The following HDAC9 variants were observed in gnomAD, a reference collection of about 807,000 sequenced individuals.
The protein encoded by HDAC9 is histone deacetylase 9.
HDAC9 carries 41 observed loss-of-function variants against 139.4 expected under a neutral mutation model. That is an observed-to-expected ratio of 0.29 (90% CI 0.23 to 0.38). HDAC9 has a LOEUF of 0.38. HDAC9 is among the 10% of genes least tolerant of loss of function. The pLI, the probability that HDAC9 is intolerant of heterozygous loss-of-function variation, is 1.00. For synonymous variants in HDAC9, 517 were observed against 476.2 expected, an observed-to-expected ratio of 1.09 and a Z score of -1.12; for missense variants, 1,147 against 1,297.0, an observed-to-expected ratio of 0.88 and a Z score of 1.78.
rs138127617 is a variant in HDAC9 at position 18,479,350 on chromosome 7, T to C, written c.-41-16912T>C. Reference sequence around the variant, plus strand: ...CAAAAAATAAGAGTTTAACATAGAGTAGCAATTATCTTAGCACCAGTTATT... The same window carrying C: ...CAAAAAATAAGAGTTTAACATAGAGCAGCAATTATCTTAGCACCAGTTATT... On this transcript the variant is annotated intron_variant, in intron 1 of 3. Coordinates refer to the HDAC9 transcript ENST00000413509. 3.2e-3 allele frequency among the ~76,000 whole-genome samples: 494 copies of C among 152,216 alleles called. 6 individuals carry two copies. Among genetic ancestry groups the C allele is most frequent in the African/African-American group, 0.011 (461 of 41,546 alleles).
At chr7:18,298,645 A>G (rs936903584) in intron 1 of HDAC9, among the ~76,000 whole-genome samples, 3 of 152,214 alleles carry the variant, frequency 2.0e-5, no homozygotes, top group African/African-American at 7.2e-5. Context: ...AATTTTCAAA[A>G]GTTTTTACTT....
chr7:18,376,182 A>T (rs914250009), intron 1 of HDAC9, among the ~76,000 whole-genome samples: 1 of 152,152 alleles, frequency 6.6e-6, no homozygotes, highest in African/African-American at 2.4e-5. Flanking sequence ...AAAGGCAATG[A>T]TTAGAGCATG....
intron 1 of HDAC9, among the ~76,000 whole-genome samples, chr7:18,142,254 C>T (rs1481973351): frequency 6.6e-6 from 1 of 152,058 alleles, no homozygotes; most frequent in Non-Finnish European, 1.5e-5. Context: ...TAATTTGGCC[C>T]AAATAAGTAA....
chr7:18,153,969 G>A (rs1394178744), intron 1 of HDAC9, among the ~76,000 whole-genome samples: 1 of 152,202 alleles, frequency 6.6e-6, no homozygotes, highest in Non-Finnish European at 1.5e-5. Context: ...AGGTAGAACA[G>A]TGAGTAAAAC....
At chr7:18,968,685 C>A (rs1483844226) in intron 24 of HDAC9, among the ~76,000 whole-genome samples, 1 of 152,068 alleles carries the variant, frequency 6.6e-6, no homozygotes, top group Non-Finnish European at 1.5e-5. Flanking sequence ...TATCCCTGGA[C>A]GCAGTGGCTC....
intron 22 of HDAC9, among the ~76,000 whole-genome samples, chr7:18,923,352 C>T (rs1439029746): frequency 6.6e-6 from 1 of 151,926 alleles, no homozygotes; most frequent in Non-Finnish European, 1.5e-5. Flanking sequence ...CTGCGAGCTT[C>T]TTTGGTTTGA....
chr7:18,916,032 A>AAAT (rs765116805), intron 22 of HDAC9, among the ~76,000 whole-genome samples: 17 of 151,556 alleles, frequency 1.1e-4, no homozygotes, highest in Admixed American at 8.6e-4. Context: ...GAAAAAAAAA[A>AAAT]AAAAAACAGA....
At chr7:18,686,474 C>A (rs980773229) in intron 12 of HDAC9, among the ~76,000 whole-genome samples, 1 of 151,850 alleles carries the variant, frequency 6.6e-6, no homozygotes, top group Admixed American at 6.6e-5. Flanking sequence ...AAGCTTACAT[C>A]TTGTGGTCAT....
rs531445182 is a variant in HDAC9, at chr7:18,484,403, A to C, written c.-41-11859A>C. ...AGCCCCATTATCATAGAACTTGATA[A>C]TCATGGGTTCTCATTTCTTAACCCC... On this transcript the variant is annotated intron_variant, in intron 1 of 3. Transcript: ENST00000413509. Among the ~76,000 whole-genome samples the C allele has an allele frequency of 2.0e-5, 3 of 152,126 alleles. No homozygotes were observed. The East Asian group carries it at 5.8e-4, about 29-fold the overall frequency.
chr7:18,751,245 A>G (rs1269730511), intron 14 of HDAC9, among the ~76,000 whole-genome samples: 1 of 152,152 alleles, frequency 6.6e-6, no homozygotes, highest in Non-Finnish European at 1.5e-5. Flanking sequence ...CAGAAACACT[A>G]TCATACAACT....
intron 1 of HDAC9, among the ~76,000 whole-genome samples, chr7:18,108,454 G>A (rs1783375564): frequency 6.6e-6 from 1 of 152,122 alleles, no homozygotes; most frequent in African/African-American, 2.4e-5. Flanking sequence ...CTAGGTAATG[G>A]GATGTATGAA....
chr7:18,451,429 A>ATATGTGTGTGTGTGTGTGTATATATATG (rs1563001366), intron 1 of HDAC9, among the ~76,000 whole-genome samples: 50 of 137,730 alleles, frequency 3.6e-4, no homozygotes, highest in African/African-American at 1.3e-3. Context: ...GTGTATATAT[A>ATATGTGTGTGTGTGTGTGTATATATATG]TGTGTGTGTG....
chr7:18,856,477 A>T (rs183806321), intron 21 of HDAC9, among the ~76,000 whole-genome samples: 50 of 152,268 alleles, frequency 3.3e-4, no homozygotes, highest in Admixed American at 2.8e-3. Context: ...CCCCTAAAGG[A>T]TGTTAATATT....
intron 1 of HDAC9, among the ~76,000 whole-genome samples, chr7:18,355,553 A>G (rs79574953): frequency 0.018 from 2,685 of 152,248 alleles, 41 homozygotes; most frequent in Non-Finnish European, 0.025. Flanking sequence ...GTGAAAGCTT[A>G]TTTTGAAATG....
chr7:18,732,918 T>TGTGCGTATGTGTATAC (rs1562893610), intron 13 of HDAC9, among the ~76,000 whole-genome samples: 5 of 86,952 alleles, frequency 5.8e-5, no homozygotes, highest in Non-Finnish European at 9.9e-5. Flanking sequence ...CGTATGTGTA[T>TGTGCGTATGTGTATAC]ACACACGTGT....
intron 22 of HDAC9, among the ~76,000 whole-genome samples, chr7:18,930,034 T>C (rs906132818): frequency 3.9e-5 from 6 of 152,172 alleles, no homozygotes; most frequent in Non-Finnish European, 8.8e-5. Context: ...GTAATAGGGA[T>C]GTCTGTCAAG....
intron 21 of HDAC9, among the ~76,000 whole-genome samples, chr7:18,852,409 CAT>C (rs1268971259): frequency 6.6e-6 from 1 of 152,198 alleles, no homozygotes; most frequent in Non-Finnish European, 1.5e-5. Flanking sequence ...GGATTATAGA[CAT>C]ACTATCATTC....
chr7:18,248,645 C>T (rs918749717), intron 2 of HDAC9, among the ~76,000 whole-genome samples: 3 of 152,110 alleles, frequency 2.0e-5, no homozygotes, highest in Non-Finnish European at 2.9e-5. Context: ...TTTTTTCATG[C>T]ACTACATGAG....
At chr7:18,869,887 GT>G (rs146884767) in intron 21 of HDAC9, among the ~76,000 whole-genome samples, 2,081 of 145,252 alleles carry the variant, frequency 0.014, 14 homozygotes, top group South Asian at 0.02. Flanking sequence ...GGTTTTTTTT[GT>G]TTTTTTTTTT....
Sources: gnomAD v4.1 joint callset for allele counts (sites outside exome capture counted in the v4.1 genomes callset) on GRCh38, gnomAD v4.1.1 for gene constraint, MANE v1.5 for transcripts, NCBI Gene and HGNC (gene_info 2026-07-23, HGNC 2026-07-21) for gene names.